Variants in ZNF454 observed in about 807,000 individuals in gnomAD.
The protein encoded by ZNF454 is zinc finger protein 454.
In ZNF454, 30 loss-of-function variants were observed where a neutral mutation model predicts 48.2. The ratio of observed to expected loss-of-function variants is 0.62; its 90% confidence interval spans 0.47 to 0.84. The LOEUF (loss-of-function observed/expected upper bound fraction) is 0.84. Among genes scored for constraint, ZNF454 ranks in the 40% least tolerant of loss-of-function variants. The pLI is 0.00. For synonymous variants in ZNF454, 204 were observed against 211.4 expected, an observed-to-expected ratio of 0.97 and a Z score of 0.30; for missense variants, 510 against 623.1, an observed-to-expected ratio of 0.82 and a Z score of 1.93.
At chr5:178,975,843 T>G in the ZNF454 span, 1 of 309,808 alleles carries the variant, frequency 3.2e-6, no homozygotes, top group African/African-American at 2.2e-5. Context: ...GTAAAGGAGA[T>G]TTACCCCCAA....
the ZNF454 span, chr5:178,975,669 G>A: frequency 4.8e-6 from 2 of 416,472 alleles, no homozygotes; most frequent in Non-Finnish European, 1.0e-5. Flanking sequence ...TGGCCTACAG[G>A]GCCACACATG....
intron 4 of ZNF454, among the ~76,000 whole-genome samples, chr5:178,962,218 G>A (rs1760031379): frequency 6.7e-6 from 1 of 150,278 alleles, no homozygotes; most frequent in African/African-American, 2.4e-5. Flanking sequence ...GGGTTCCATT[G>A]TTTTCATTAA....
chr5:178,983,642 G>C, the ZNF454 span: 1 of 352,856 alleles, frequency 2.8e-6, no homozygotes, highest in Non-Finnish European at 5.6e-6. Flanking sequence ...CTCCTCACGT[G>C]TACTGAGCTT....
intron 1 of ZNF454, among the ~76,000 whole-genome samples, chr5:178,942,233 G>T (rs1447890001): frequency 6.6e-6 from 1 of 152,058 alleles, no homozygotes; most frequent in East Asian, 1.9e-4. Flanking sequence ...GTGAAATCCC[G>T]GTCTCTACTA....
the ZNF454 span, among the ~76,000 whole-genome samples, chr5:178,988,679 C>T: frequency 6.6e-6 from 1 of 152,142 alleles, no homozygotes; most frequent in Admixed American, 6.5e-5. The surrounding 1 kb of genome is among the most constrained non-coding windows in gnomAD (Gnocchi z 6.0). Context: ...GGGTTCCTGG[C>T]AGAAGGGATC....
chr5:178,985,432 A>G, the ZNF454 span: 6,744 of 356,002 alleles, frequency 0.019, 77 homozygotes, highest in Middle Eastern at 0.039. Context: ...CACTGGGCGC[A>G]GCGGCTCCCG....
intron 4 of ZNF454, among the ~76,000 whole-genome samples, chr5:178,948,468 A>G (rs1026182136): frequency 1.6e-4 from 24 of 152,342 alleles, no homozygotes; most frequent in African/African-American, 5.3e-4. Context: ...TTCATGATTC[A>G]TGGAGTCTAA....
downstream of ZNF454, among the ~76,000 whole-genome samples, chr5:178,970,533 A>G (rs993136903): frequency 2.0e-5 from 3 of 151,908 alleles, no homozygotes; most frequent in Non-Finnish European, 4.4e-5. Context: ...TGTGTACCAC[A>G]TGTCACTGTC....
chr5:178,966,594 A>G (rs1389095356), downstream of ZNF454, among the ~76,000 whole-genome samples: 1 of 152,198 alleles, frequency 6.6e-6, no homozygotes, highest in East Asian at 1.9e-4. Context: ...CATTTTGACT[A>G]TTAGAGAAAC....
the ZNF454 span, among the ~76,000 whole-genome samples, chr5:178,971,510 A>G: frequency 2.6e-5 from 4 of 152,058 alleles, no homozygotes; most frequent in African/African-American, 9.6e-5. Flanking sequence ...GCTGGTTACT[A>G]CATATCGAAG....
chr5:178,974,952 T>G, the ZNF454 span, among the ~76,000 whole-genome samples: 1 of 152,202 alleles, frequency 6.6e-6, no homozygotes, highest in African/African-American at 2.4e-5. Context: ...GGCTGCCAAA[T>G]TTCTGCTCAC....
chr5:178,969,751 C>A, downstream of ZNF454: 1 of 425,546 alleles, frequency 2.3e-6, no homozygotes, highest in South Asian at 1.7e-5. Flanking sequence ...GTTCCGAGAC[C>A]CATCACAGTG....
In ZNF454 at chr5:178,944,654, C is replaced by A. The variant is rs1487348620; in HGVS notation, c.34-1705C>A. ...CTGGAAAGATATGGAGGTGTTCCCCCAAATGCAAAGGCAAAGACACAGCTA... is the reference window on the plus strand; with the variant it reads ...CTGGAAAGATATGGAGGTGTTCCCCAAAATGCAAAGGCAAAGACACAGCTA... On this transcript the variant is annotated intron_variant, in intron 2 of 4. Coordinates refer to ENST00000519564, the MANE Select transcript of ZNF454 (RefSeq NM_001178089.3). This position sits in a 1 kb window ranked among gnomAD's most constrained non-coding sequence, Gnocchi z 4.1. 6.6e-6 allele frequency among the ~76,000 whole-genome samples: 1 copy of A among 152,208 alleles called. No individual in the cohort carries two copies. Among genetic ancestry groups the A allele is most frequent in the Non-Finnish European group, 1.5e-5 (1 of 68,046 alleles).
At chr5:178,970,362 A>C (rs1760219887), downstream of ZNF454, among the ~76,000 whole-genome samples, 3 of 151,966 alleles carry the variant, frequency 2.0e-5, no homozygotes, top group African/African-American at 7.3e-5. Context: ...TGCTAAATAT[A>C]TCTTTGGCAA....
At chr5:178,980,102 G>C in the ZNF454 span, 6 of 154,362 alleles carry the variant, frequency 3.9e-5, no homozygotes, top group Non-Finnish European at 7.3e-5. This position sits in a 1 kb window ranked among gnomAD's most constrained non-coding sequence, Gnocchi z 4.3. Context: ...CTTAAAACCT[G>C]CAGAAGCACC....
At chr5:178,961,587 G>A (rs375004605) in intron 4 of ZNF454, among the ~76,000 whole-genome samples, 39 of 151,666 alleles carry the variant, frequency 2.6e-4, no homozygotes, top group Middle Eastern at 6.8e-3. Context: ...AGGCCAAGGC[G>A]GGCGGATTGC....
At chr5:178,986,468 C>T in the ZNF454 span, 5 of 1,612,318 alleles carry the variant, frequency 3.1e-6, no homozygotes, top group Non-Finnish European at 4.2e-6. Context: ...GCCACGATGC[C>T]CAGCACGGCC....
chr5:178,981,770 A>T, the ZNF454 span: 1 of 1,613,206 alleles, frequency 6.2e-7, no homozygotes, highest in Non-Finnish European at 8.5e-7. The surrounding 1 kb of genome is among the most constrained non-coding windows in gnomAD (Gnocchi z 5.1). Flanking sequence ...AGGATGACGT[A>T]GGTTTTGGGT....
chr5:178,986,704 A>G, the ZNF454 span: 2 of 1,604,906 alleles, frequency 1.2e-6, no homozygotes, highest in Non-Finnish European at 1.7e-6. Flanking sequence ...CAGGCTGCAC[A>G]GAGACGAGGG....
Sources: allele counts gnomAD v4.1 joint callset (sites outside exome capture counted in the v4.1 genomes callset), GRCh38; gene constraint gnomAD v4.1.1; non-coding constraint Gnocchi (gnomAD v3.1); transcripts MANE v1.5; gene names NCBI Gene and HGNC (gene_info 2026-07-23, HGNC 2026-07-21).